The following SLC5A3 variants were observed in gnomAD, a reference collection of about 807,000 sequenced individuals.
SLC5A3 encodes the protein solute carrier family 5 member 3.
A neutral mutation model predicts 43.2 loss-of-function variants in SLC5A3; 10 were observed. That is an observed-to-expected ratio of 0.23 (90% CI 0.14 to 0.39). SLC5A3 has a LOEUF of 0.39. Among genes scored for constraint, SLC5A3 ranks in the 10% least tolerant of loss-of-function variants. SLC5A3 has a pLI of 1.00. For missense variants in SLC5A3, 608 were observed against 893.4 expected (o/e 0.68, Z 4.07); for synonymous variants, 349 against 322.0 (o/e 1.08, Z -0.90).
intron 1 of SLC5A3, among the ~76,000 whole-genome samples, chr21:34,087,637 C>G (rs933473032): frequency 6.6e-6 from 1 of 152,174 alleles, no homozygotes; most frequent in Non-Finnish European, 1.5e-5. Context: ...GGAGAGGAGA[C>G]AGGTCTTGTG....
At position 34,097,143 on chromosome 21, in the gene SLC5A3, G is replaced by C; in HGVS notation, c.1945G>C (p.Asp649His). 6.2e-7 allele frequency: 1 copy of C among 1,614,060 alleles called. No homozygotes were observed. The highest frequency in any genetic ancestry group is 8.5e-7 in the Non-Finnish European group (1 of 1,179,992). ...TGAGAAAGAGAGAAAGAAAGAAACG[G>C]ATGATGGAGGTCGGTACTGGAAGTT... Reference protein sequence around the residue: ...MGEKERKKETDDGGRYWKFID... With the variant: ...MGEKERKKETHDGGRYWKFID... The change falls in exon 2 of 2, where the codon GAT becomes CAT. Residue 649 changes from aspartate (D) to histidine (H), a missense_variant. This residue lies in a region of SLC5A3 where 210 missense variants were observed against 224.8 expected (regional missense o/e 0.93). Transcript: ENST00000381151.
rs746514167 is a variant in SLC5A3, at chr21:34,095,138, AAAAT to A, written c.-53_-50del. On this transcript the variant is annotated 5_prime_UTR_variant, in exon 2 of 2. Coordinates refer to ENST00000381151, the MANE Select transcript of SLC5A3 (RefSeq NM_006933.7). ...TTTACAGACTTGGCTGGGGTTACTA[AAAAT>A]AAATAAAAAGTTGGACACTTCTGTC... 2.9e-4 allele frequency: 437 copies of A among 1,530,470 alleles called. No individual in the cohort carries two copies. Among genetic ancestry groups the A allele is most frequent in the Non-Finnish European group, 3.5e-4 (406 of 1,143,694 alleles). The allele number at this position is 1,530,470 out of a possible 1,614,324, so 94.8% of individuals were successfully genotyped here.
At chr21:34,077,815 G>A (rs887083403) in intron 1 of SLC5A3, among the ~76,000 whole-genome samples, 1 of 152,160 alleles carries the variant, frequency 6.6e-6, no homozygotes, top group African/African-American at 2.4e-5. Flanking sequence ...TTCCTAAAAT[G>A]TAGAAAACAG....
At position 34,099,516 on chromosome 21, in the gene SLC5A3, T is replaced by C. The variant is rs2211792; in HGVS notation, c.*2161T>C. Reference sequence around the variant, plus strand: ...GAACTAAAATTTTCTTTGAACCACATTACTGTGTAATTCACTGATAATTGA... The same window carrying C: ...GAACTAAAATTTTCTTTGAACCACACTACTGTGTAATTCACTGATAATTGA... On this transcript the variant is annotated 3_prime_UTR_variant, in exon 2 of 2. Transcript: ENST00000381151. The C allele has an allele frequency of 0.66, 660,908 of 998,582 alleles. 221,447 individuals carry two copies. Among genetic ancestry groups the C allele is most frequent in the African/African-American group, 0.93 (53,396 of 57,344 alleles). The allele number at this position is 998,582 out of a possible 1,614,324, so 61.9% of individuals were successfully genotyped here. A position where few individuals can be genotyped will look rare whatever the true frequency, so the allele number is the denominator to read the frequency against.
intron 1 of SLC5A3, among the ~76,000 whole-genome samples, chr21:34,089,550 G>T (rs919768074): frequency 6.6e-6 from 1 of 152,102 alleles, no homozygotes; most frequent in Non-Finnish European, 1.5e-5. Flanking sequence ...TATCTTGGGC[G>T]GAGTGTATAT....
rs1016927600 is a variant in SLC5A3, at chr21:34,073,607, A to T, written c.-475A>T. On this transcript the variant is annotated 5_prime_UTR_variant, in exon 1 of 2. Coordinates refer to ENST00000381151, the MANE Select transcript of SLC5A3 (RefSeq NM_006933.7). ...TCGCCGCCTGGGAGCCGTCCGGCGC[A>T]GCAGTTTCTAGGTCCCCACTGTCCC... is the stretch of plus-strand genomic sequence containing the variant. The T allele has an allele frequency of 9.0e-7, 1 of 1,110,800 alleles. No individual in the cohort carries two copies. Among genetic ancestry groups the T allele is most frequent in the African/African-American group, 1.7e-5 (1 of 60,040 alleles). 68.8% of individuals were successfully genotyped at this position (1,110,800 alleles called of 1,614,324 possible).
chr21:34,085,103 A>G (rs1012650618), intron 1 of SLC5A3, among the ~76,000 whole-genome samples: 4 of 152,198 alleles, frequency 2.6e-5, no homozygotes, highest in African/African-American at 9.7e-5. Context: ...AATAGTTTTT[A>G]GTGTTTTAAT....
chr21:34,103,940 C>T lies in SLC5A3; in HGVS notation c.*6585C>T, dbSNP rs1194066897. 1 of 999,976 alleles carries T rather than the reference C, an allele frequency of 1.0e-6. No individual in the cohort carries two copies. The highest frequency in any genetic ancestry group is 1.7e-5 in the African/African-American group (1 of 57,190). 61.9% of individuals were successfully genotyped at this position (999,976 alleles called of 1,614,324 possible). A position where few individuals can be genotyped will look rare whatever the true frequency, so the allele number is the denominator to read the frequency against. The stretch of plus-strand genomic sequence containing the variant: ...GGTTTTTGGTGGGTGGAACAGGTGA[C>T]ATATTTCTGTTTTAAGCTGTAGTGT... On this transcript the variant is annotated 3_prime_UTR_variant, in exon 2 of 2. Coordinates refer to ENST00000381151, the MANE Select transcript of SLC5A3 (RefSeq NM_006933.7).
chr21:34,105,767 T>G lies in SLC5A3; in HGVS notation c.*8412T>G, dbSNP rs1229893837. ...AGCTTTTTTAATTTTAAGGTTTGACTAATTGTATCCATCTCATTGTACAGT... is the reference window on the plus strand; with the variant it reads ...AGCTTTTTTAATTTTAAGGTTTGACGAATTGTATCCATCTCATTGTACAGT... On this transcript the variant is annotated 3_prime_UTR_variant, in exon 2 of 2. Transcript: ENST00000381151. 1 of 995,592 alleles carries G rather than the reference T, an allele frequency of 1.0e-6. No individual in the cohort carries two copies. Among genetic ancestry groups the G allele is most frequent in the East Asian group, 1.1e-4 (1 of 8,812 alleles). The allele number at this position is 995,592 out of a possible 1,614,324, so 61.7% of individuals were successfully genotyped here. A position where few individuals can be genotyped will look rare whatever the true frequency, so the allele number is the denominator to read the frequency against.
chr21:34,081,405 T>G lies in SLC5A3; in HGVS notation c.-337+7660T>G, dbSNP rs80247904. Among the ~76,000 whole-genome samples the G allele has an allele frequency of 1.9e-3, 291 of 152,344 alleles. 1 individual carries two copies. The highest frequency in any genetic ancestry group is 6.6e-3 in the African/African-American group (275 of 41,582). On this transcript the variant is annotated intron_variant, in intron 1 of 1. Coordinates refer to ENST00000381151, the MANE Select transcript of SLC5A3 (RefSeq NM_006933.7). ...ATACTTAAGGTACGTATATATAGTTTTATGACTGGATATGGCTTTGGGTAT... is the reference window on the plus strand; with the variant it reads ...ATACTTAAGGTACGTATATATAGTTGTATGACTGGATATGGCTTTGGGTAT...
Position 34,099,550 on chromosome 21 carries a change from C to T in SLC5A3, c.*2195C>T, listed in dbSNP as rs1263600358. 2 of 999,774 alleles carry T rather than the reference C, an allele frequency of 2.0e-6. No homozygotes were observed. Among genetic ancestry groups the T allele is most frequent in the African/African-American group, 1.7e-5 (1 of 57,220 alleles). 61.9% of individuals were successfully genotyped at this position (999,774 alleles called of 1,614,324 possible). A position where few individuals can be genotyped will look rare whatever the true frequency, so the allele number is the denominator to read the frequency against. The stretch of plus-strand genomic sequence containing the variant: ...AATTCACTGATAATTGACATATTGG[C>T]TGGGCAGCCTATCTCTTCCATATCC... On this transcript the variant is annotated 3_prime_UTR_variant, in exon 2 of 2. Coordinates refer to ENST00000381151, the MANE Select transcript of SLC5A3 (RefSeq NM_006933.7).
chr21:34,074,160 C>CCCG (rs748147718), intron 1 of SLC5A3, among the ~76,000 whole-genome samples: 13 of 148,828 alleles, frequency 8.7e-5, no homozygotes, highest in East Asian at 2.0e-4. Context: ...CGTCGCCGGC[C>CCCG]CCGCCGCCGC....
intron 1 of SLC5A3, among the ~76,000 whole-genome samples, chr21:34,082,620 G>C (rs774207499): frequency 6.6e-6 from 1 of 152,110 alleles, no homozygotes; most frequent in Non-Finnish European, 1.5e-5. Context: ...AAAAATTCAG[G>C]TGCTCTCTTG....
chr21:34,075,204 T>C (rs1320175321), intron 1 of SLC5A3, among the ~76,000 whole-genome samples: 1 of 152,236 alleles, frequency 6.6e-6, no homozygotes, highest in Non-Finnish European at 1.5e-5. Context: ...AATTCGTTAC[T>C]GAAATTCCTT....
chr21:34,080,091 A>T (rs1989425842), intron 1 of SLC5A3, among the ~76,000 whole-genome samples: 1 of 152,156 alleles, frequency 6.6e-6, no homozygotes, highest in Non-Finnish European at 1.5e-5. Context: ...TGGTCTCCTG[A>T]CATACTACTG....
chr21:34,074,760 G>A (rs1274216619), intron 1 of SLC5A3, among the ~76,000 whole-genome samples: 1 of 152,240 alleles, frequency 6.6e-6, no homozygotes, highest in African/African-American at 2.4e-5. Context: ...AGCGCTAGAG[G>A]AGTGGACGCA....
chr21:34,075,162 C>T (rs1989297033), intron 1 of SLC5A3, among the ~76,000 whole-genome samples: 2 of 152,212 alleles, frequency 1.3e-5, no homozygotes, highest in Admixed American at 1.3e-4. Context: ...CTCCCTTCAA[C>T]TTACGTGTTT....
In SLC5A3 at chr21:34,101,817, T is replaced by A. The variant is rs1410286445; in HGVS notation, c.*4462T>A. On this transcript the variant is annotated 3_prime_UTR_variant, in exon 2 of 2. Coordinates refer to ENST00000381151, the MANE Select transcript of SLC5A3 (RefSeq NM_006933.7). ...TCTCAGGAATGATTTTCTCACACTT[T>A]GTGTTGGCTAATAATAAAAGCACTG... The A allele has an allele frequency of 1.0e-6, 1 of 998,802 alleles. No homozygotes were observed. Among genetic ancestry groups the A allele is most frequent in the Admixed American group, 6.2e-5 (1 of 16,246 alleles). The allele number at this position is 998,802 out of a possible 1,614,324, so 61.9% of individuals were successfully genotyped here.
rs1270895662 is a variant in SLC5A3 at position 34,073,597 on chromosome 21, C to T, written c.-485C>T. On this transcript the variant is annotated 5_prime_UTR_variant, in exon 1 of 2. Transcript: ENST00000381151. ...GACCGTGCTTTCGCCGCCTGGGAGC[C>T]GTCCGGCGCAGCAGTTTCTAGGTCC... The T allele has an allele frequency of 1.3e-5, 13 of 1,008,732 alleles. No individual in the cohort carries two copies. In the South Asian group the frequency reaches 1.4e-4, roughly 11 times the overall value. 62.5% of individuals were successfully genotyped at this position (1,008,732 alleles called of 1,614,324 possible).
Sources: gnomAD v4.1 joint callset for allele counts (sites outside exome capture counted in the v4.1 genomes callset) on GRCh38, gnomAD v4.1.1 for gene constraint, gnomAD v4.1.1 regional missense constraint, MANE v1.5 for transcripts, NCBI Gene and HGNC (gene_info 2026-07-23, HGNC 2026-07-21) for gene names.